The following SHOC1 variants were observed in gnomAD, a reference collection of about 807,000 sequenced individuals.
SHOC1 encodes the protein protein shortage in chiasmata 1 ortholog.
Under a neutral mutation model 179.2 loss-of-function variants are expected in SHOC1, and 136 were observed. The observed-to-expected ratio is 0.76, with a 90% CI of 0.66 to 0.87. The LOEUF is 0.87. Among genes scored for constraint, SHOC1 ranks in the 40% least tolerant of loss-of-function variants. SHOC1 has a pLI of 0.00. For synonymous variants in SHOC1, 489 were observed against 586.6 expected, an observed-to-expected ratio of 0.83 and a Z score of 2.41; for missense variants, 1,538 against 1,700.8, an observed-to-expected ratio of 0.90 and a Z score of 1.68.
At chr9:111,769,986 G>GTTTTTTTTTTTTTTTTTTTTTTTT (rs769266659) in intron 5 of SHOC1, among the ~76,000 whole-genome samples, 53 of 77,616 alleles carry the variant, frequency 6.8e-4, no homozygotes, top group African/African-American at 1.1e-3. Context: ...TTTTTTTTTT[G>GTTTTTTTTTTTTTTTTTTTTTTTT]TTTTTTTTTT....
chr9:111,709,802 AG>A (rs1832457259), intron 18 of SHOC1, among the ~76,000 whole-genome samples: 9 of 152,196 alleles, frequency 5.9e-5, no homozygotes. Flanking sequence ...TAAATGCTTG[AG>A]GGGATGGAGG....
At chr9:111,794,286 A>G (rs2131665497) in intron 1 of SHOC1, among the ~76,000 whole-genome samples, 1 of 117,434 alleles carries the variant, frequency 8.5e-6, no homozygotes, top group Admixed American at 8.4e-5. Context: ...CTTAAAAAAA[A>G]AAAAATAATA....
At chr9:111,699,357 C>A (rs563023782) in intron 24 of SHOC1, among the ~76,000 whole-genome samples, 2 of 152,122 alleles carry the variant, frequency 1.3e-5, no homozygotes, top group Admixed American at 6.6e-5. Context: ...TGGATATTCA[C>A]GTGGAGATTC....
intron 10 of SHOC1, among the ~76,000 whole-genome samples, chr9:111,742,704 G>A (rs1263612182): frequency 1.3e-5 from 2 of 152,174 alleles, no homozygotes; most frequent in Non-Finnish European, 2.9e-5. Flanking sequence ...AGTATTGCCA[G>A]TTAAATTGAC....
chr9:111,712,966 T>C (rs1204815664), intron 18 of SHOC1, 134 bp downstream of exon 18: 2 of 592,638 alleles, frequency 3.4e-6, no homozygotes, highest in Non-Finnish European at 3.0e-6. Flanking sequence ...TAGATCCCAA[T>C]GAGTTATACG....
At chr9:111,755,267 T>C (rs1834804026) in intron 8 of SHOC1, among the ~76,000 whole-genome samples, 1 of 152,214 alleles carries the variant, frequency 6.6e-6, no homozygotes, top group Non-Finnish European at 1.5e-5. Flanking sequence ...TGAGATCTAC[T>C]ATATTTGCAA....
At chr9:111,713,571 G>C (rs10981031) in intron 17 of SHOC1, among the ~76,000 whole-genome samples, 2 of 152,070 alleles carry the variant, frequency 1.3e-5, no homozygotes, top group South Asian at 4.2e-4. Context: ...AATCAGTTTC[G>C]ATTTAAAATT....
intron 27 of SHOC1, among the ~76,000 whole-genome samples, chr9:111,690,885 C>G (rs1447950575): frequency 2.0e-5 from 3 of 152,150 alleles, no homozygotes; most frequent in African/African-American, 7.2e-5. Flanking sequence ...ACTTAAGCTT[C>G]CCCCCGCCCT....
chr9:111,733,381 T>A (rs1833676553), intron 12 of SHOC1, among the ~76,000 whole-genome samples: 1 of 152,158 alleles, frequency 6.6e-6, no homozygotes, highest in African/African-American at 2.4e-5. Flanking sequence ...AGGTCAGATG[T>A]CAAGTAACAA....
At chr9:111,695,136 C>T (rs1410401038) in intron 24 of SHOC1, among the ~76,000 whole-genome samples, 1 of 151,990 alleles carries the variant, frequency 6.6e-6, no homozygotes, top group Non-Finnish European at 1.5e-5. Context: ...TCTTCTTCAT[C>T]TTTTAAATTT....
intron 4 of SHOC1, among the ~76,000 whole-genome samples, chr9:111,780,167 G>C (rs966938141): frequency 6.6e-6 from 1 of 152,060 alleles, no homozygotes; most frequent in South Asian, 2.1e-4. Flanking sequence ...GGTATATTGG[G>C]CTTCACTGTA....
intron 6 of SHOC1, 55 bp from the exon 7 acceptor site, chr9:111,758,250 G>T: frequency 1.1e-6 from 1 of 915,952 alleles, no homozygotes; most frequent in South Asian, 1.7e-5. Context: ...CATACTAAAT[G>T]TAGCCAACCA....
At chr9:111,769,255 G>A (rs1835473647) in intron 5 of SHOC1, among the ~76,000 whole-genome samples, 1 of 152,048 alleles carries the variant, frequency 6.6e-6, no homozygotes, top group South Asian at 2.1e-4. Context: ...TGGTATCAGG[G>A]TAATGCTGGC....
chr9:111,776,876 G>T (rs411747), intron 4 of SHOC1, among the ~76,000 whole-genome samples: 93,832 of 152,062 alleles, frequency 0.62, 29,466 homozygotes, highest in East Asian at 0.9. Context: ...AGACAAAGCT[G>T]ATTTATCAAG....
intron 10 of SHOC1, among the ~76,000 whole-genome samples, chr9:111,744,974 A>T (rs968254320): frequency 6.6e-6 from 1 of 152,204 alleles, no homozygotes; most frequent in African/African-American, 2.4e-5. Context: ...TGCAGTATCA[A>T]TTCTACAATT....
chr9:111,760,920 G>T (rs1236196727), intron 5 of SHOC1, among the ~76,000 whole-genome samples: 1 of 151,448 alleles, frequency 6.6e-6, no homozygotes, highest in Non-Finnish European at 1.5e-5. Flanking sequence ...ATATAGTTAT[G>T]AGAGTAGAAA....
chr9:111,764,359 A>G (rs1835264519), intron 5 of SHOC1, among the ~76,000 whole-genome samples: 1 of 152,234 alleles, frequency 6.6e-6, no homozygotes, highest in South Asian at 2.1e-4. Flanking sequence ...TGTATAAGAC[A>G]AAACATTGTA....
intron 15 of SHOC1, among the ~76,000 whole-genome samples, chr9:111,721,302 A>C (rs1345312975): frequency 1.3e-5 from 2 of 151,490 alleles, no homozygotes; most frequent in Non-Finnish European, 2.9e-5. Context: ...TGTTTCTCCA[A>C]CTCCAGGTAG....
chr9:111,701,380 A>G (rs896190800), intron 23 of SHOC1, among the ~76,000 whole-genome samples: 2 of 152,188 alleles, frequency 1.3e-5, no homozygotes, highest in African/African-American at 2.4e-5. Flanking sequence ...CATCTTGAAC[A>G]TAAAACTATC....
Sources: gnomAD v4.1 joint callset for allele counts (sites outside exome capture counted in the v4.1 genomes callset) on GRCh38, gnomAD v4.1.1 for gene constraint, MANE v1.5 for transcripts, NCBI Gene and HGNC (gene_info 2026-07-23, HGNC 2026-07-21) for gene names.